Variants in RSU1 observed in about 807,000 individuals in gnomAD.
RSU1 encodes the protein rsu-1.
In RSU1, 26 loss-of-function variants were observed where a neutral mutation model predicts 31.1. That is an observed-to-expected ratio of 0.84 (90% CI 0.61 to 1.16). The LOEUF (loss-of-function observed/expected upper bound fraction) is 1.16. Among genes scored for constraint, RSU1 ranks in the 50% most tolerant of loss-of-function variants. The pLI is 0.00. For missense variants in RSU1, 320 were observed against 339.1 expected (o/e 0.94, Z 0.44); for synonymous variants, 164 against 136.3 (o/e 1.20, Z -1.41).
chr10:16,766,228 A>C (rs1837311935), intron 3 of RSU1, among the ~76,000 whole-genome samples: 1 of 152,208 alleles, frequency 6.6e-6, no homozygotes, highest in South Asian at 2.1e-4. Context: ...CCGTTGATAA[A>C]AGAACAAGTT....
chr10:16,643,645 C>CT (rs1391964555), intron 8 of RSU1, among the ~76,000 whole-genome samples: 1 of 152,146 alleles, frequency 6.6e-6, no homozygotes, highest in Non-Finnish European at 1.5e-5. Flanking sequence ...TTTATTAACT[C>CT]TGTGATCTTG....
intron 7 of RSU1, among the ~76,000 whole-genome samples, chr10:16,730,435 C>T (rs536787432): frequency 2.0e-5 from 3 of 152,250 alleles, no homozygotes; most frequent in Admixed American, 6.5e-5. Flanking sequence ...AGAAGCCACC[C>T]GGAAGAGAAG....
At chr10:16,773,281 C>A (rs536341047) in intron 3 of RSU1, among the ~76,000 whole-genome samples, 1 of 152,108 alleles carries the variant, frequency 6.6e-6, no homozygotes, top group South Asian at 2.1e-4. Context: ...CTCTTCCTAC[C>A]AGACCTTATG....
intron 8 of RSU1, among the ~76,000 whole-genome samples, chr10:16,642,976 G>A (rs933645177): frequency 6.6e-6 from 1 of 152,170 alleles, no homozygotes; most frequent in African/African-American, 2.4e-5. Flanking sequence ...ATGTTAACAA[G>A]TCCTTTTTGA....
At chr10:16,595,503 G>C (rs1034708512) in intron 8 of RSU1, among the ~76,000 whole-genome samples, 1 of 152,202 alleles carries the variant, frequency 6.6e-6, no homozygotes, top group African/African-American at 2.4e-5. Flanking sequence ...TGCTGGGATT[G>C]CACTCCAGGA....
At chr10:16,688,713 G>A (rs954517872) in intron 8 of RSU1, among the ~76,000 whole-genome samples, 5 of 152,144 alleles carry the variant, frequency 3.3e-5, no homozygotes, top group Non-Finnish European at 7.3e-5. Context: ...CTACCTTTAT[G>A]TTAAAAGCCA....
intron 8 of RSU1, among the ~76,000 whole-genome samples, chr10:16,632,432 A>G (rs1012997961): frequency 2.0e-5 from 3 of 152,136 alleles, no homozygotes; most frequent in Non-Finnish European, 4.4e-5. Flanking sequence ...AATAAGTTGG[A>G]CGTGTCTTAC....
intron 8 of RSU1, among the ~76,000 whole-genome samples, chr10:16,680,428 T>A (rs1835308630): frequency 6.6e-6 from 1 of 152,186 alleles, no homozygotes; most frequent in African/African-American, 2.4e-5. Flanking sequence ...TGCGTTGCTA[T>A]AAATACCTGA....
At chr10:16,665,960 T>C (rs941362692) in intron 8 of RSU1, among the ~76,000 whole-genome samples, 8 of 152,212 alleles carry the variant, frequency 5.3e-5, no homozygotes, top group Non-Finnish European at 8.8e-5. Flanking sequence ...AGCTAGTCAA[T>C]TGTGAACCTG....
chr10:16,695,164 G>GTGA lies in RSU1; in HGVS notation c.599-10_599-9insTCA. ...AGTTAAATCCAAGTTTCCTGGGGGG[G>GTGA]GGGAAAAAAAAAGTGAAGGTCACTT... is the stretch of plus-strand genomic sequence containing the variant. On this transcript the variant is annotated splice_polypyrimidine_tract_variant and intron_variant, in intron 7 of 8. Transcript: ENST00000345264. 1 of 1,459,888 alleles carries GTGA rather than the reference G, an allele frequency of 6.8e-7. No individual in the cohort carries two copies. The allele number at this position is 1,459,888 out of a possible 1,614,324, so 90.4% of individuals were successfully genotyped here.
chr10:16,766,891 G>A (rs1275783772), intron 3 of RSU1, among the ~76,000 whole-genome samples: 1 of 151,626 alleles, frequency 6.6e-6, no homozygotes, highest in Non-Finnish European at 1.5e-5. Context: ...TGGGCATGGT[G>A]GCGCATGCCT....
At chr10:16,814,786 G>A (rs551754360) in intron 2 of RSU1, among the ~76,000 whole-genome samples, 3 of 152,250 alleles carry the variant, frequency 2.0e-5, no homozygotes, top group East Asian at 1.9e-4. Context: ...GAATGATCTC[G>A]CTTTTCACCA....
chr10:16,738,119 A>G (rs1464275607), intron 7 of RSU1, among the ~76,000 whole-genome samples: 1 of 152,204 alleles, frequency 6.6e-6, no homozygotes, highest in African/African-American at 2.4e-5. Flanking sequence ...TGCTAAAACA[A>G]CGGAGAAAAA....
intron 8 of RSU1, among the ~76,000 whole-genome samples, chr10:16,666,155 A>G (rs1390279894): frequency 1.3e-5 from 2 of 152,172 alleles, no homozygotes; most frequent in Non-Finnish European, 2.9e-5. Context: ...CTCAATTTTT[A>G]TTCTACAGCT....
intron 7 of RSU1, among the ~76,000 whole-genome samples, chr10:16,702,253 A>C (rs1835807161): frequency 6.6e-6 from 1 of 152,238 alleles, no homozygotes; most frequent in Non-Finnish European, 1.5e-5. Flanking sequence ...CTACTAGGGC[A>C]GTGTGAAGGA....
intron 7 of RSU1, among the ~76,000 whole-genome samples, chr10:16,718,396 T>A (rs1436014102): frequency 6.6e-6 from 1 of 152,242 alleles, no homozygotes; most frequent in African/African-American, 2.4e-5. Context: ...ATATGTGACA[T>A]GTTATACATT....
intron 3 of RSU1, among the ~76,000 whole-genome samples, chr10:16,769,872 G>A (rs74128268): frequency 0.023 from 3,513 of 152,284 alleles, 105 homozygotes; most frequent in East Asian, 0.069. Flanking sequence ...CAACGTGGAT[G>A]CTACAATCAA....
intron 8 of RSU1, among the ~76,000 whole-genome samples, chr10:16,633,876 G>A (rs1834299145): frequency 6.6e-6 from 1 of 152,176 alleles, no homozygotes; most frequent in Non-Finnish European, 1.5e-5. Flanking sequence ...AAGGGTGACC[G>A]AGACCGATTG....
chr10:16,611,220 C>G (rs1033404683), intron 8 of RSU1, among the ~76,000 whole-genome samples: 1 of 152,108 alleles, frequency 6.6e-6, no homozygotes, highest in African/African-American at 2.4e-5. Flanking sequence ...TGATCCTTCT[C>G]GAGTGGCCAC....
Sources: gnomAD v4.1 joint callset for allele counts (sites outside exome capture counted in the v4.1 genomes callset) on GRCh38, gnomAD v4.1.1 for gene constraint, MANE v1.5 for transcripts, NCBI Gene and HGNC (gene_info 2026-07-23, HGNC 2026-07-21) for gene names.